The following PRKG1 variants were observed in gnomAD, a reference collection of about 807,000 sequenced individuals.
The protein encoded by PRKG1 is protein kinase cGMP-dependent 1.
PRKG1 carries 35 observed loss-of-function variants against 88.1 expected under a neutral mutation model. That is an observed-to-expected ratio of 0.40 (90% CI 0.30 to 0.53). The LOEUF is 0.53. PRKG1 is among the 20% of genes least tolerant of loss of function. The pLI is 0.59. For synonymous variants in PRKG1, 303 were observed against 292.5 expected (o/e 1.04, Z -0.37); for missense variants, 540 against 839.8 (o/e 0.64, Z 4.41).
intron 12 of PRKG1, among the ~76,000 whole-genome samples, chr10:52,275,580 A>G (rs1323276019): frequency 1.3e-5 from 2 of 152,166 alleles, no homozygotes; most frequent in African/African-American, 2.4e-5. Flanking sequence ...TTTGGTGACT[A>G]TGGTCTTATA....
Position 51,031,127 on chromosome 10 carries a change from G to C in PRKG1, c.266+39483G>C, listed in dbSNP as rs145083200. Among the ~76,000 whole-genome samples the C allele has an allele frequency of 4.6e-3, 696 of 152,244 alleles. 2 individuals are homozygous for C. The highest frequency in any genetic ancestry group is 0.01 in the Middle Eastern group (3 of 294). ...CTTGACTCTATTTGCATTTTCAAAA[G>C]TATTCATTGATGAATCTTCTAAATT... On this transcript the variant is annotated intron_variant, in intron 1 of 17. Coordinates refer to the PRKG1 transcript ENST00000401604.
intron 4 of PRKG1, among the ~76,000 whole-genome samples, chr10:51,885,735 C>G (rs1841551052): frequency 6.6e-6 from 1 of 152,128 alleles, no homozygotes. Context: ...CAGCTATTAT[C>G]TGCTCTTTTT....
At chr10:52,266,531 C>G (rs1486255807) in intron 10 of PRKG1, among the ~76,000 whole-genome samples, 1 of 152,010 alleles carries the variant, frequency 6.6e-6, no homozygotes, top group Non-Finnish European at 1.5e-5. Context: ...CCATCCATGT[C>G]CCTGCAAAAG....
intron 1 of PRKG1, among the ~76,000 whole-genome samples, chr10:51,065,396 T>C (rs1843737502): frequency 6.6e-6 from 1 of 152,046 alleles, no homozygotes; most frequent in South Asian, 2.1e-4. Context: ...CAAGACACAT[T>C]ATTTCCTAGA....
At chr10:51,102,478 C>A (rs978147122) in intron 1 of PRKG1, among the ~76,000 whole-genome samples, 3 of 151,796 alleles carry the variant, frequency 2.0e-5, no homozygotes, top group Admixed American at 2.0e-4. Flanking sequence ...AGTCTTTCAA[C>A]CTAAAAAGTT....
At chr10:51,108,487 GC>G (rs969775652) in intron 1 of PRKG1, among the ~76,000 whole-genome samples, 1 of 151,976 alleles carries the variant, frequency 6.6e-6, no homozygotes, top group African/African-American at 2.4e-5. Context: ...AAATTAACCA[GC>G]AAAAACAAGC....
chr10:52,024,311 A>G (rs1589529122), intron 5 of PRKG1, among the ~76,000 whole-genome samples: 1 of 55,772 alleles, frequency 1.8e-5, no homozygotes, highest in South Asian at 5.0e-4. Flanking sequence ...TTATTTATTT[A>G]TTTAACTTTT....
chr10:51,858,117 T>A (rs556053296), intron 4 of PRKG1, among the ~76,000 whole-genome samples: 3 of 47,446 alleles, frequency 6.3e-5, no homozygotes, highest in African/African-American at 3.6e-4. Flanking sequence ...TACATATATA[T>A]AATATATATT....
intron 3 of PRKG1, among the ~76,000 whole-genome samples, chr10:51,631,386 T>G (rs1189503182): frequency 6.6e-6 from 1 of 152,194 alleles, no homozygotes; most frequent in Non-Finnish European, 1.5e-5. Context: ...GGGCCATGCA[T>G]GGACTAAAAT....
chr10:51,260,397 C>T (rs910280425), intron 2 of PRKG1, among the ~76,000 whole-genome samples: 2 of 151,794 alleles, frequency 1.3e-5, no homozygotes, highest in Non-Finnish European at 2.9e-5. Flanking sequence ...ATGTTTTACT[C>T]TCCTAGATGA....
chr10:51,052,155 A>G (rs1485317755), intron 1 of PRKG1, among the ~76,000 whole-genome samples: 3 of 152,228 alleles, frequency 2.0e-5, no homozygotes, highest in Non-Finnish European at 2.9e-5. Context: ...AAATGATTTT[A>G]GTGAATAGAT....
Position 51,918,409 on chromosome 10 carries a change from A to T in PRKG1, c.762+10839A>T, listed in dbSNP as rs183669643. ...GCATTTTAAATTTGTTGTGACAGGG[A>T]TCCATTTTATGCTTTCCACGAGACC... On this transcript the variant is annotated intron_variant, in intron 5 of 17. Coordinates refer to ENST00000373980, the MANE Select transcript of PRKG1 (RefSeq NM_006258.4). Among the ~76,000 whole-genome samples the T allele has an allele frequency of 1.2e-4, 18 of 150,920 alleles. No homozygotes were observed. The East Asian group carries it at 3.5e-3, about 30-fold the overall frequency.
At chr10:51,363,885 AGAGT>A (rs1177814682) in intron 2 of PRKG1, among the ~76,000 whole-genome samples, 1 of 152,020 alleles carries the variant, frequency 6.6e-6, no homozygotes, top group Non-Finnish European at 1.5e-5. Flanking sequence ...TTATTTCTTT[AGAGT>A]GAGAATGTGC....
At chr10:51,523,154 A>G (rs1215243926) in intron 3 of PRKG1, among the ~76,000 whole-genome samples, 2 of 152,214 alleles carry the variant, frequency 1.3e-5, no homozygotes, top group South Asian at 2.1e-4. Context: ...TAAAATAGCA[A>G]TGTTAGGAAT....
chr10:51,980,494 G>C (rs772729738), intron 5 of PRKG1, among the ~76,000 whole-genome samples: 1 of 152,098 alleles, frequency 6.6e-6, no homozygotes, highest in South Asian at 2.1e-4. Context: ...TTTCTATCAG[G>C]TCCATTTGAT....
chr10:51,455,583 C>T (rs959384973), intron 2 of PRKG1, among the ~76,000 whole-genome samples: 2 of 152,222 alleles, frequency 1.3e-5, no homozygotes, highest in African/African-American at 4.8e-5. Context: ...AATCATCTCC[C>T]TCAAGTTCAA....
At chr10:51,517,580 C>A (rs1841622718) in intron 3 of PRKG1, among the ~76,000 whole-genome samples, 1 of 152,178 alleles carries the variant, frequency 6.6e-6, no homozygotes, top group Non-Finnish European at 1.5e-5. Flanking sequence ...TGACATTTTC[C>A]ATCTTCTTCT....
chr10:52,058,221 T>C (rs1283894521), intron 6 of PRKG1, among the ~76,000 whole-genome samples: 1 of 152,138 alleles, frequency 6.6e-6, no homozygotes, highest in African/African-American at 2.4e-5. Flanking sequence ...TTAACTTTAA[T>C]GTTAATTTCT....
chr10:52,200,949 A>G (rs1839650356), intron 9 of PRKG1, among the ~76,000 whole-genome samples: 1 of 152,156 alleles, frequency 6.6e-6, no homozygotes, highest in South Asian at 2.1e-4. Context: ...GATTCTAGAT[A>G]TTAGCTCTTT....
Sources: allele counts gnomAD v4.1 joint callset (sites outside exome capture counted in the v4.1 genomes callset), GRCh38; gene constraint gnomAD v4.1.1; transcripts MANE v1.5; gene names NCBI Gene and HGNC (gene_info 2026-07-23, HGNC 2026-07-21).